The following MEGF8 variants were observed in gnomAD, a reference collection of about 807,000 sequenced individuals.
MEGF8 encodes multiple epidermal growth factor-like domains protein 8.
In MEGF8, 156 loss-of-function variants were observed where a neutral mutation model predicts 302.9. That is an observed-to-expected ratio of 0.52 (90% CI 0.45 to 0.59). The LOEUF (loss-of-function observed/expected upper bound fraction) is 0.59. Among genes scored for constraint, MEGF8 ranks in the 20% least tolerant of loss-of-function variants. The pLI, the probability that MEGF8 is intolerant of heterozygous loss-of-function variation, is 0.00. For missense variants in MEGF8, 3,345 were observed against 3,964.5 expected (o/e 0.84, Z 4.20); for synonymous variants, 1,621 against 1,660.5 (o/e 0.98, Z 0.58).
At position 42,355,936 on chromosome 19, in the gene MEGF8, C is replaced by T; in HGVS notation, c.4323C>T (p.Gly1441=). 6.2e-7 allele frequency: 1 copy of T among 1,608,226 alleles called. No homozygotes were observed. The highest frequency in any genetic ancestry group is 8.5e-7 in the Non-Finnish European group (1 of 1,177,994). The change falls in exon 24 of 42, where the codon GGC becomes GGT. Residue 1441 remains glycine (G), a synonymous_variant. Transcript: ENST00000251268. The part of the protein sequence containing the change: ...GLCRCPQGWA[G]PHCRMALCPE... ...GCCGATGTCCTCAGGGCTGGGCTGG[C>T]CCACACTGCCGCATGGCTCTGTGTC...
chr19:42,374,889 AG>A (rs1369553178), intron 41 of MEGF8, among the ~76,000 whole-genome samples: 3 of 152,196 alleles, frequency 2.0e-5, no homozygotes, highest in African/African-American at 7.2e-5. Flanking sequence ...GGTGAGAAGG[AG>A]GCTCTTGAGC....
intron 12 of MEGF8, among the ~76,000 whole-genome samples, chr19:42,347,585 C>T (rs572578235): frequency 1.0e-3 from 156 of 152,182 alleles, no homozygotes; most frequent in African/African-American, 3.2e-3. Flanking sequence ...CTCTGCCTCC[C>T]GGGTTTGAAC....
intron 41 of MEGF8, among the ~76,000 whole-genome samples, chr19:42,374,817 G>T (rs538244034): frequency 2.6e-5 from 4 of 152,360 alleles, no homozygotes; most frequent in African/African-American, 9.6e-5. Flanking sequence ...TAGGAAGCGG[G>T]GGCTAGGGCT....
intron 32 of MEGF8, 39 bp from the exon 33 acceptor site, chr19:42,362,051 C>T (rs2039538949): frequency 6.2e-7 from 1 of 1,605,634 alleles, no homozygotes; most frequent in Non-Finnish European, 8.5e-7. Flanking sequence ...AGGAGGGGGT[C>T]TGGATGGGTG....
In MEGF8 at chr19:42,358,288, C is replaced by A; in HGVS notation, c.5156C>A (p.Ala1719Asp). Residue 1719 changes from alanine to aspartate, a missense_variant, in exon 29 of 42, where the codon GCC (alanine) becomes GAC (aspartate). By Grantham distance (126) the Ala-to-Asp change is moderately radical. Transcript: ENST00000251268. The surrounding 1 kb of genome is among the most constrained non-coding windows in gnomAD (Gnocchi z 4.4). Reference protein sequence around the residue: ...HCPDRTWSLLAPSQGAKRDRM... With the variant: ...HCPDRTWSLLDPSQGAKRDRM... The stretch of plus-strand genomic sequence containing the variant: ...CCTGACCGCACCTGGAGTCTGCTGG[C>A]CCCTTCTCAGGGGGCAAAGGTCAGG... 6.2e-7 allele frequency: 1 copy of A among 1,604,612 alleles called. No homozygotes were observed.
At chr19:42,348,554 T>C (rs2039323101) in intron 13 of MEGF8, 82 bp downstream of exon 13, 76 of 1,329,982 alleles carry the variant, frequency 5.7e-5, no homozygotes, top group Non-Finnish European at 7.4e-5. Context: ...TGTGGTGATT[T>C]GAAGGTTCTG....
rs2039121124 is a variant in MEGF8, at chr19:42,335,921, T to C, written c.829-10T>C. ...TGTCTCTACCTCTGTCTCTTTTCTC[T>C]TCCTCACAGGCTGCCCGTCACTCCC... On this transcript the variant is annotated splice_polypyrimidine_tract_variant and intron_variant, in intron 5 of 41. Transcript: ENST00000251268. The C allele has an allele frequency of 6.9e-7, 1 of 1,456,374 alleles. No homozygotes were observed. The highest frequency in any genetic ancestry group is 9.0e-7 in the Non-Finnish European group (1 of 1,104,980). The allele number at this position is 1,456,374 out of a possible 1,614,324, so 90.2% of individuals were successfully genotyped here.
chr19:42,372,970 G>A (rs1379241413), intron 41 of MEGF8, among the ~76,000 whole-genome samples: 2 of 152,260 alleles, frequency 1.3e-5, no homozygotes, highest in African/African-American at 4.8e-5. Context: ...ACCACACCCA[G>A]CCCAGAGTTT....
intron 13 of MEGF8, among the ~76,000 whole-genome samples, chr19:42,348,702 C>G (rs1458506112): frequency 6.6e-6 from 1 of 152,154 alleles, no homozygotes; most frequent in Non-Finnish European, 1.5e-5. Context: ...CAGGTTCAAG[C>G]AATTCTTCTG....
At chr19:42,371,591 A>G (rs1045750433) in intron 41 of MEGF8, 109 bp downstream of exon 41, 159 of 1,475,670 alleles carry the variant, frequency 1.1e-4, no homozygotes, top group Non-Finnish European at 1.4e-4. Context: ...GTTCCAAATC[A>G]GTGGTTTTGG....
chr19:42,358,363 T>C lies in MEGF8; in HGVS notation c.5175+56T>C. 1 of 1,522,436 alleles carries C rather than the reference T, an allele frequency of 6.6e-7. No individual in the cohort carries two copies. Among genetic ancestry groups the C allele is most frequent in the Non-Finnish European group, 8.8e-7 (1 of 1,139,446 alleles). 94.3% of individuals were successfully genotyped at this position (1,522,436 alleles called of 1,614,324 possible). A position where few individuals can be genotyped will look rare whatever the true frequency, so the allele number is the denominator to read the frequency against. On this transcript the variant is annotated intron_variant, in intron 29 of 41. Transcript: ENST00000251268. The surrounding 1 kb of genome is among the most constrained non-coding windows in gnomAD (Gnocchi z 4.4). ...TATGGGGCAGGAGGGAGGGGTCCTC[T>C]TTCCCAGTGCCCCAGGGACTGGCTC...
At chr19:42,359,781 C>G (rs2039504786) in intron 31 of MEGF8, among the ~76,000 whole-genome samples, 1 of 151,938 alleles carries the variant, frequency 6.6e-6, no homozygotes, top group Non-Finnish European at 1.5e-5. Flanking sequence ...GCCTCCAAGG[C>G]TCAAGCAAGC....
At position 42,336,128 on chromosome 19, in the gene MEGF8, G is replaced by A. The variant is rs745557904; in HGVS notation, c.1026G>A (p.Val342=). ...PGLAGHAAAL[V]DDVWLYVSGG... ...TGGCAGGTCACGCGGCTGCCCTGGT[G>A]GATGATGTCTGGCTATATGTGTCTG... Residue 342 remains valine, a synonymous_variant, in exon 6 of 42, where the codon GTG becomes GTA. Transcript: ENST00000251268. This position sits in a 1 kb window ranked among gnomAD's most constrained non-coding sequence, Gnocchi z 4.8. 2 of 1,608,536 alleles carry A rather than the reference G, an allele frequency of 1.2e-6. No homozygotes were observed.
intron 1 of MEGF8, among the ~76,000 whole-genome samples, chr19:42,330,456 A>T (rs1307849424): frequency 6.6e-6 from 1 of 152,206 alleles, no homozygotes; most frequent in Admixed American, 6.5e-5. Flanking sequence ...TGAGGCTGGT[A>T]AGATTCTGGG....
Position 42,360,957 on chromosome 19 carries a change from G to T in MEGF8, c.5671G>T (p.Ala1891Ser). 2.5e-6 allele frequency: 4 copies of T among 1,589,380 alleles called. No individual in the cohort carries two copies. The highest frequency in any genetic ancestry group is 3.4e-6 in the Non-Finnish European group (4 of 1,165,032). ...ACCTGAAGCTTGTAACCAGTCTGGG[G>T]CCTGCACCTGGTGCCATGGGGCCTG... ...SSPEACNQSG[A>S]CTWCHGACLS... Residue 1891 changes from alanine to serine, a missense_variant, in exon 32 of 42, where the codon GCC (alanine) becomes TCC (serine). Physicochemically the swap from Ala to Ser is moderately conservative, Grantham distance 99. Coordinates refer to ENST00000251268, the MANE Select transcript of MEGF8 (RefSeq NM_001271938.2).
chr19:42,360,792 C>T lies in MEGF8; in HGVS notation c.5506C>T (p.Pro1836Ser), dbSNP rs1434425101. ...TTCCTCAGGCTCGGCCTCTGTGGGG[C>T]CCCCAATGGAGGAGTCTGTGGCCCA... ...PDLTRSASVG[P>S]PMEESVAHAV... The change falls in exon 32 of 42, where the codon CCC (proline) becomes TCC (serine). Residue 1836 changes from proline (P) to serine (S), a missense_variant. By Grantham distance (74) the Pro-to-Ser change is moderately conservative. Transcript: ENST00000251268. The T allele has an allele frequency of 1.3e-6, 2 of 1,593,408 alleles. No individual in the cohort carries two copies. Among genetic ancestry groups the T allele is most frequent in the Non-Finnish European group, 1.7e-6 (2 of 1,170,494 alleles).
chr19:42,328,698 G>C (rs2039017693), intron 1 of MEGF8, among the ~76,000 whole-genome samples: 1 of 152,054 alleles, frequency 6.6e-6, no homozygotes. Flanking sequence ...CACTTTGGGA[G>C]ACCAAGTGGG....
Position 42,369,475 on chromosome 19 carries a change from C to A in MEGF8, c.6642-56C>A. On this transcript the variant is annotated intron_variant, in intron 37 of 41. Coordinates refer to ENST00000251268, the MANE Select transcript of MEGF8 (RefSeq NM_001271938.2). The surrounding 1 kb of genome is among the most constrained non-coding windows in gnomAD (Gnocchi z 5.7). ...GTGGGGTAGTTGGTTGGGTGCTAGG[C>A]CATGAAGCCACGAGGAGGGTGGCCA... is the stretch of plus-strand genomic sequence containing the variant. 1.3e-6 allele frequency: 2 copies of A among 1,550,102 alleles called. 1 individual carries two copies. The highest frequency in any genetic ancestry group is 2.7e-5 in the African/African-American group (2 of 74,234).
Position 42,357,349 on chromosome 19 carries a change from C to G in MEGF8, c.4831-55C>G. 6.3e-7 allele frequency: 1 copy of G among 1,575,216 alleles called. No homozygotes were observed. The highest frequency in any genetic ancestry group is 2.3e-5 in the East Asian group (1 of 44,330). On this transcript the variant is annotated intron_variant, in intron 27 of 41. Transcript: ENST00000251268. This position sits in a 1 kb window ranked among gnomAD's most constrained non-coding sequence, Gnocchi z 5.2. ...GGGGGCTGAGGCTCGCTTCTACCCA[C>G]AAGGTGACCCCTGACCTCTAGCCCC... is the stretch of plus-strand genomic sequence containing the variant.
Sources: gnomAD v4.1 joint callset for allele counts (sites outside exome capture counted in the v4.1 genomes callset) on GRCh38, gnomAD v4.1.1 for gene constraint, Gnocchi (gnomAD v3.1) non-coding constraint, MANE v1.5 for transcripts, NCBI Gene and HGNC (gene_info 2026-07-23, HGNC 2026-07-21) for gene names.